The following RNF32 variants were observed in gnomAD, a reference collection of about 807,000 sequenced individuals.
RNF32 encodes ring finger protein 32.
Under a neutral mutation model 41.0 loss-of-function variants are expected in RNF32, and 36 were observed. The ratio of observed to expected loss-of-function variants is 0.88; its 90% CI spans 0.67 to 1.16. The LOEUF (loss-of-function observed/expected upper bound fraction) is 1.16. Among genes scored for constraint, RNF32 ranks in the 50% most tolerant of loss-of-function variants. The pLI is 0.00. For missense variants in RNF32, 413 were observed against 436.7 expected (o/e 0.95, Z 0.48); for synonymous variants, 154 against 160.9 (o/e 0.96, Z 0.32).
rs376378255 is a variant in RNF32, at chr7:156,644,455, T to C, written c.16-44T>C. The C allele has an allele frequency of 5.5e-6, 8 of 1,450,326 alleles. No homozygotes were observed. The African/African-American group carries it at 5.7e-5, about 10-fold the overall frequency. 89.8% of individuals were successfully genotyped at this position (1,450,326 alleles called of 1,614,324 possible). A position where few individuals can be genotyped will look rare whatever the true frequency, so the allele number is the denominator to read the frequency against. On this transcript the variant is annotated intron_variant, in intron 2 of 8. Transcript: ENST00000317955. ...CCTCAGTTCTCTTCTAAATGATATA[T>C]TACATAATACTCCTCTAAATATGAC...
In RNF32 at chr7:156,670,096, C is replaced by T. The variant is rs10238744; in HGVS notation, c.685-5600C>T. 0.35 allele frequency among the ~76,000 whole-genome samples: 53,504 copies of T among 152,010 alleles called. 10,039 individuals carry two copies. The highest frequency in any genetic ancestry group is 0.47 in the African/African-American group (19,612 of 41,444). On this transcript the variant is annotated intron_variant, in intron 7 of 8. Coordinates refer to ENST00000317955, the MANE Select transcript of RNF32 (RefSeq NM_030936.4). The surrounding 1 kb of genome is among the most constrained non-coding windows in gnomAD (Gnocchi z 4.3). Reference sequence around the variant, plus strand: ...AAAAATTAAATTATAAATTTTATGACTTTCACAGTGCATCTTTACACCAGA... The same window carrying T: ...AAAAATTAAATTATAAATTTTATGATTTTCACAGTGCATCTTTACACCAGA...
At chr7:156,640,737 G>A (rs985154552), upstream of RNF32, 3 of 277,530 alleles carry the variant, frequency 1.1e-5, no homozygotes, top group Admixed American at 5.8e-5. Flanking sequence ...CTACGGCAAC[G>A]GTGGGCGGCC....
intron 3 of RNF32, among the ~76,000 whole-genome samples, chr7:156,653,557 G>A (rs962953047): frequency 1.1e-4 from 16 of 152,234 alleles, no homozygotes; most frequent in East Asian, 3.9e-4. Context: ...ATGTTTTGTC[G>A]ATGTAACATT....
upstream of RNF32, chr7:156,640,394 A>C (rs865874539): frequency 7.0e-6 from 3 of 429,518 alleles, no homozygotes; most frequent in South Asian, 3.3e-5. Flanking sequence ...TGCGGACTAC[A>C]GCGAAGCCGG....
intron 3 of RNF32, among the ~76,000 whole-genome samples, chr7:156,646,992 C>T (rs893195168): frequency 1.3e-5 from 2 of 152,074 alleles, no homozygotes; most frequent in African/African-American, 4.8e-5. Context: ...GCTGGAATTA[C>T]AGGTGTGTGC....
chr7:156,647,164 A>T (rs1458716086), intron 3 of RNF32, among the ~76,000 whole-genome samples: 2 of 147,016 alleles, frequency 1.4e-5, no homozygotes, highest in African/African-American at 2.6e-5. Context: ...TTTTTTTTTA[A>T]TTTTTTGTTT....
chr7:156,676,692 A>G lies in RNF32; in HGVS notation c.*37A>G. On this transcript the variant is annotated 3_prime_UTR_variant, in exon 9 of 9. Coordinates refer to ENST00000317955, the MANE Select transcript of RNF32 (RefSeq NM_030936.4). ...AGGAAAGTTAGGTAATTCTGAGGAAAAAAGTTTACCATCATTTTGGATGAA... is the reference window on the plus strand; with the variant it reads ...AGGAAAGTTAGGTAATTCTGAGGAAGAAAGTTTACCATCATTTTGGATGAA... 6.5e-7 allele frequency: 1 copy of G among 1,534,226 alleles called. No homozygotes were observed. The highest frequency in any genetic ancestry group is 9.0e-7 in the Non-Finnish European group (1 of 1,111,396).
At chr7:156,666,374 A>G (rs1801344221) in intron 7 of RNF32, among the ~76,000 whole-genome samples, 1 of 152,100 alleles carries the variant, frequency 6.6e-6, no homozygotes. Flanking sequence ...GTGAAAAGGG[A>G]CCCTCTTTCT....
In RNF32 at chr7:156,670,813, G is replaced by A. The variant is rs533054977; in HGVS notation, c.685-4883G>A. Among the ~76,000 whole-genome samples the A allele has an allele frequency of 2.0e-5, 3 of 152,328 alleles. No homozygotes were observed. The highest frequency in any genetic ancestry group is 2.9e-5 in the Non-Finnish European group (2 of 68,026). On this transcript the variant is annotated intron_variant, in intron 7 of 8. Transcript: ENST00000317955. The surrounding 1 kb of genome is among the most constrained non-coding windows in gnomAD (Gnocchi z 4.3). ...CAGACAAAAAGTGTGCCACTAGAAC[G>A]TCTTCGTTAAAGGAAATTCTAAAGG...
At position 156,675,703 on chromosome 7, in the gene RNF32, A is replaced by T; in HGVS notation, c.692A>T (p.Glu231Val). The change falls in exon 8 of 9, where the codon GAA becomes GTA. Residue 231 changes from glutamate (E) to valine (V), a missense_variant. By Grantham distance (121) the Glu-to-Val change is moderately radical. Coordinates refer to ENST00000317955, the MANE Select transcript of RNF32 (RefSeq NM_030936.4). ...CCCCCGCCTCCTCCTCAGTTCACAG[A>T]AATCAGCCACCGCATCCTGTGCTCA... is the stretch of plus-strand genomic sequence containing the variant. ...RKKFFEKKFT[E>V]ISHRILCSYN... 1 of 1,612,244 alleles carries T rather than the reference A, an allele frequency of 6.2e-7. No individual in the cohort carries two copies. The highest frequency in any genetic ancestry group is 2.2e-5 in the East Asian group (1 of 44,856).
chr7:156,646,576 G>C, intron 3 of RNF32: 1 of 1,153,030 alleles, frequency 8.7e-7, no homozygotes, highest in African/African-American at 1.6e-5. Flanking sequence ...TAAGAATTTT[G>C]AGATGACACA....
chr7:156,649,561 G>A (rs1798436565), intron 3 of RNF32, among the ~76,000 whole-genome samples: 1 of 151,996 alleles, frequency 6.6e-6, no homozygotes, highest in African/African-American at 2.4e-5. Context: ...TTGTTTGTTG[G>A]CCTTTATCTA....
upstream of RNF32, chr7:156,640,730 C>T (rs1408780853): frequency 1.1e-5 from 3 of 274,284 alleles, no homozygotes; most frequent in African/African-American, 2.4e-5. Flanking sequence ...GGCGTTGCTA[C>T]GGCAACGGTG....
rs528501183 is a variant in RNF32 at position 156,658,401 on chromosome 7, T to C, written c.576-61T>C. The stretch of plus-strand genomic sequence containing the variant: ...ACAGCACAGGGCTTATAACAACTAC[T>C]GAAGTATTGGTTGACATAGAGTCAT... On this transcript the variant is annotated intron_variant, in intron 6 of 8. Transcript: ENST00000317955. The C allele has an allele frequency of 3.0e-5, 46 of 1,519,996 alleles. No individual in the cohort carries two copies. In the African/African-American group the frequency reaches 5.5e-4, roughly 18 times the overall value. The allele number at this position is 1,519,996 out of a possible 1,614,324, so 94.2% of individuals were successfully genotyped here. A position where few individuals can be genotyped will look rare whatever the true frequency, so the allele number is the denominator to read the frequency against.
chr7:156,659,530 A>G (rs1800281641), intron 7 of RNF32: 2 of 984,890 alleles, frequency 2.0e-6, no homozygotes, highest in Admixed American at 6.2e-5. Context: ...AATTTCTAAT[A>G]TGTCATAGTA....
chr7:156,646,669 CT>C (rs1798005473), intron 3 of RNF32: 2 of 401,878 alleles, frequency 5.0e-6, no homozygotes, highest in Admixed American at 7.7e-5. Flanking sequence ...GAATCCTTCA[CT>C]TACATTTGTT....
At chr7:156,655,798 A>G (rs1799578501) in intron 4 of RNF32, among the ~76,000 whole-genome samples, 1 of 152,186 alleles carries the variant, frequency 6.6e-6, no homozygotes, top group African/African-American at 2.4e-5. Context: ...TAGTAATTTA[A>G]TGTAGCAAAA....
intron 1 of RNF32, 165 bp downstream of exon 1, chr7:156,640,976 G>T (rs1205193896): frequency 1.7e-5 from 3 of 173,168 alleles, no homozygotes; most frequent in African/African-American, 7.2e-5. Context: ...GTAGCGGCGC[G>T]CAGCCTCCTT....
chr7:156,675,880 GC>G lies in RNF32; in HGVS notation c.852+19del. ...CAAGTGCAGGTAGGTTTGGCTGGCAGCCTGGCAACCAGCAGACTCAGCTGCA... is the reference window on the plus strand; with the variant it reads ...CAAGTGCAGGTAGGTTTGGCTGGCAGCTGGCAACCAGCAGACTCAGCTGCA... On this transcript the variant is annotated intron_variant, in intron 8 of 8. Coordinates refer to ENST00000317955, the MANE Select transcript of RNF32 (RefSeq NM_030936.4). The G allele has an allele frequency of 6.2e-7, 1 of 1,608,178 alleles. No homozygotes were observed. The highest frequency in any genetic ancestry group is 8.5e-7 in the Non-Finnish European group (1 of 1,176,382).
Sources: allele counts gnomAD v4.1 joint callset (sites outside exome capture counted in the v4.1 genomes callset), GRCh38; gene constraint gnomAD v4.1.1; non-coding constraint Gnocchi (gnomAD v3.1); transcripts MANE v1.5; gene names NCBI Gene and HGNC (gene_info 2026-07-23, HGNC 2026-07-21).